The following ACYP2 variants were observed in gnomAD, a reference collection of about 807,000 sequenced individuals.
ACYP2 encodes the protein acylphosphatase-2.
ACYP2 carries 12 observed loss-of-function variants against 11.2 expected under a neutral mutation model. That is an observed-to-expected ratio of 1.08 (90% CI 0.69 to 1.74). The LOEUF (loss-of-function observed/expected upper bound fraction) is 1.74. ACYP2 is among the 40% of genes most tolerant of loss of function. The pLI is 0.00. For missense variants in ACYP2, 134 were observed against 101.9 expected (o/e 1.31, Z -1.35); for synonymous variants, 43 against 32.2 (o/e 1.33, Z -1.13).
intron 4 of ACYP2, among the ~76,000 whole-genome samples, chr2:54,105,138 T>C (rs1679088808): frequency 6.6e-6 from 1 of 152,222 alleles, no homozygotes; most frequent in South Asian, 2.1e-4. Context: ...ACATAGAGCC[T>C]GAGCACTCTT....
chr2:53,996,388 G>C (rs6746965), intron 2 of ACYP2, among the ~76,000 whole-genome samples: 66,232 of 151,858 alleles, frequency 0.44, 14,672 homozygotes, highest in South Asian at 0.51. Context: ...AAAGCCTTCA[G>C]ATCTGGATGC....
chr2:54,255,253 C>T, intron 6 of ACYP2: 4 of 1,614,180 alleles, frequency 2.5e-6, no homozygotes, highest in Non-Finnish European at 3.4e-6. Context: ...GTAAGGGTTT[C>T]TTTGAAAGAA....
At chr2:53,977,980 G>A (rs1259311636) in intron 2 of ACYP2, among the ~76,000 whole-genome samples, 2 of 151,768 alleles carry the variant, frequency 1.3e-5, no homozygotes, top group Non-Finnish European at 2.9e-5. Flanking sequence ...ATAAACTTCT[G>A]GCTGGGCATG....
chr2:54,089,517 C>T (rs1678111221), intron 4 of ACYP2, among the ~76,000 whole-genome samples: 1 of 152,002 alleles, frequency 6.6e-6, no homozygotes, highest in South Asian at 2.1e-4. Flanking sequence ...GAGGCTGAGG[C>T]AGGAAGATTG....
At chr2:54,279,898 C>A (rs1688769450) in intron 6 of ACYP2, among the ~76,000 whole-genome samples, 1 of 152,148 alleles carries the variant, frequency 6.6e-6, no homozygotes, top group Admixed American at 6.5e-5. Flanking sequence ...GCACAGATTA[C>A]AGAATAGGTA....
chr2:54,257,688 T>C (rs911446868), intron 6 of ACYP2, among the ~76,000 whole-genome samples: 1 of 152,136 alleles, frequency 6.6e-6, no homozygotes, highest in African/African-American at 2.4e-5. Context: ...AAATAAGCAA[T>C]ATTTGGAGAG....
Position 53,982,872 on chromosome 2 carries a change from G to GTGTGTGTGTA in ACYP2, c.62+9064_62+9065insTGTGTGTATG, listed in dbSNP as rs1250430076. On this transcript the variant is annotated intron_variant, in intron 2 of 6. Coordinates refer to ENST00000607452, the MANE Select transcript of ACYP2 (RefSeq NM_001320586.2). The stretch of plus-strand genomic sequence containing the variant: ...TGTGTGTGTGTGTGTGTGTGTGTGT[G>GTGTGTGTGTA]TGATATAAATAGGTTCAGGGAGAAC... 1.0e-3 allele frequency among the ~76,000 whole-genome samples: 145 copies of GTGTGTGTGTA among 143,754 alleles called. 1 individual carries two copies. The highest frequency in any genetic ancestry group is 3.7e-3 in the African/African-American group (144 of 39,008). 94.3% of individuals were successfully genotyped at this position (143,754 alleles called of 152,430 possible). A position where few individuals can be genotyped will look rare whatever the true frequency, so the allele number is the denominator to read the frequency against.
chr2:54,050,845 G>T, intron 2 of ACYP2: 1 of 368,944 alleles, frequency 2.7e-6, no homozygotes, highest in Non-Finnish European at 4.8e-6. Context: ...CACCATCATG[G>T]CTCACTGCAG....
intron 2 of ACYP2, among the ~76,000 whole-genome samples, chr2:54,005,645 C>T (rs556991318): frequency 4.5e-4 from 68 of 152,200 alleles, no homozygotes; most frequent in African/African-American, 1.6e-3. Flanking sequence ...AGCCTGAAGG[C>T]CTATGGTTTC....
chr2:54,140,267 G>C (rs984422138), intron 6 of ACYP2, among the ~76,000 whole-genome samples: 1 of 152,120 alleles, frequency 6.6e-6, no homozygotes, highest in African/African-American at 2.4e-5. Flanking sequence ...CCCATGATTC[G>C]AGGGAGCCTA....
chr2:54,066,113 G>C (rs1246158147), intron 4 of ACYP2: 1 of 152,158 alleles, frequency 6.6e-6, no homozygotes, highest in Non-Finnish European at 1.5e-5. Context: ...TTGACTCTGT[G>C]TCTCCACCCA....
At chr2:54,269,112 G>T (rs1436535306) in intron 6 of ACYP2, among the ~76,000 whole-genome samples, 1 of 152,034 alleles carries the variant, frequency 6.6e-6, no homozygotes, top group Non-Finnish European at 1.5e-5. Context: ...TAACTGTTTT[G>T]ATTTTTATTA....
At chr2:54,157,647 C>A (rs1177977607) in intron 6 of ACYP2, among the ~76,000 whole-genome samples, 1 of 152,166 alleles carries the variant, frequency 6.6e-6, no homozygotes, top group African/African-American at 2.4e-5. Context: ...GGTTTAATTT[C>A]TTGTGTGGGA....
intron 6 of ACYP2, among the ~76,000 whole-genome samples, chr2:54,140,986 T>C (rs1191880313): frequency 6.6e-6 from 1 of 152,216 alleles, no homozygotes; most frequent in Non-Finnish European, 1.5e-5. Flanking sequence ...TACTCTCTAA[T>C]TTTTCTTTTA....
chr2:54,108,741 T>C (rs1196762564), intron 4 of ACYP2, among the ~76,000 whole-genome samples: 5 of 152,186 alleles, frequency 3.3e-5, no homozygotes, highest in Admixed American at 6.5e-5. Context: ...GCCTCCTTGG[T>C]GTGTCCAAGC....
intron 4 of ACYP2, among the ~76,000 whole-genome samples, chr2:54,125,595 C>T (rs1261121929): frequency 6.6e-6 from 1 of 151,576 alleles, no homozygotes. Flanking sequence ...ACTAAAAATA[C>T]AAAACTTAGC....
chr2:54,083,223 C>T (rs944997622), intron 4 of ACYP2, among the ~76,000 whole-genome samples: 4 of 152,202 alleles, frequency 2.6e-5, no homozygotes, highest in Non-Finnish European at 5.9e-5. Context: ...AAATGTTAGT[C>T]TGCTGCCACC....
At chr2:54,096,452 C>T (rs1275197673) in intron 4 of ACYP2, among the ~76,000 whole-genome samples, 2 of 152,118 alleles carry the variant, frequency 1.3e-5, no homozygotes, top group Non-Finnish European at 2.9e-5. Context: ...AGAGGCTGTA[C>T]TCTCGGCACT....
chr2:54,155,270 A>G (rs761266000), intron 6 of ACYP2, among the ~76,000 whole-genome samples: 1 of 150,366 alleles, frequency 6.7e-6, no homozygotes, highest in Non-Finnish European at 1.5e-5. Context: ...TTTTTCTTCT[A>G]TTGTTTTTCT....
Sources: gnomAD v4.1 joint callset for allele counts (sites outside exome capture counted in the v4.1 genomes callset) on GRCh38, gnomAD v4.1.1 for gene constraint, MANE v1.5 for transcripts, NCBI Gene and HGNC (gene_info 2026-07-23, HGNC 2026-07-21) for gene names.